Variants in ZC3H12B observed in about 807,000 individuals in gnomAD.
ZC3H12B encodes probable ribonuclease ZC3H12B.
Under a neutral mutation model 43.9 loss-of-function variants are expected in ZC3H12B, and 7 were observed. The ratio of observed to expected loss-of-function variants is 0.16; its 90% CI spans 0.09 to 0.30. The LOEUF (loss-of-function observed/expected upper bound fraction) is 0.30, where lower values mean the gene tolerates loss of function less well. ZC3H12B is among the 10% of genes least tolerant of loss of function. The pLI is 1.00. For missense variants in ZC3H12B, 475 were observed against 670.2 expected (o/e 0.71, Z 3.22); for synonymous variants, 222 against 241.7 (o/e 0.92, Z 0.76).
At chrX:65,465,091 T>A (rs2067800340) in intron 3 of ZC3H12B, among the ~76,000 whole-genome samples, 1 of 111,540 alleles carries the variant, frequency 9.0e-6, no homozygotes, top group Admixed American at 9.6e-5. Flanking sequence ...TCAGATGTAA[T>A]GTTCTGTAGA....
At chrX:65,451,441 T>C (rs1313766954) in intron 3 of ZC3H12B, among the ~76,000 whole-genome samples, 1 of 111,655 alleles carries the variant, frequency 9.0e-6, no homozygotes, top group East Asian at 2.8e-4. Context: ...TAGAGATTTA[T>C]ATTGCTATTT....
At chrX:65,504,904 C>T (rs1171418342) in exon 5 of ZC3H12B, 1 of 112,616 alleles carries the variant, frequency 8.9e-6, no homozygotes, top group Non-Finnish European at 1.9e-5. Context: ...GATACTGCAT[C>T]TTTACTAATA....
At chrX:65,177,010 A>T in the ZC3H12B span, among the ~76,000 whole-genome samples, 1 of 112,271 alleles carries the variant, frequency 8.9e-6, no homozygotes, top group African/African-American at 3.2e-5. Flanking sequence ...CTTGATCAAC[A>T]TTGTTGTGAA....
chrX:65,132,639 C>A, the ZC3H12B span, among the ~76,000 whole-genome samples: 26 of 111,040 alleles, frequency 2.3e-4, no homozygotes, highest in Admixed American at 1.1e-3. Flanking sequence ...GGGAGCTGGA[C>A]AGGTGGGGAT....
chrX:65,041,532 A>G, the ZC3H12B span, among the ~76,000 whole-genome samples: 1 of 112,306 alleles, frequency 8.9e-6, no homozygotes, highest in African/African-American at 3.2e-5. Context: ...AAGGATTTGA[A>G]CGTCACTTAG....
chrX:65,462,689 A>C (rs187950648), intron 3 of ZC3H12B, among the ~76,000 whole-genome samples: 1 of 111,718 alleles, frequency 9.0e-6, no homozygotes, highest in African/African-American at 3.3e-5. Flanking sequence ...TAGTTCAGCC[A>C]CTGTTGAAAG....
chrX:65,234,361 C>T, the ZC3H12B span, among the ~76,000 whole-genome samples: 1 of 111,704 alleles, frequency 9.0e-6, no homozygotes, highest in Non-Finnish European at 1.9e-5. Flanking sequence ...AACATACCAC[C>T]ATATGATAAA....
the ZC3H12B span, among the ~76,000 whole-genome samples, chrX:65,123,030 T>C: frequency 8.9e-6 from 1 of 112,004 alleles, no homozygotes; most frequent in Non-Finnish European, 1.9e-5. Flanking sequence ...TGCTTTCAGT[T>C]TTTGCCCATT....
the ZC3H12B span, among the ~76,000 whole-genome samples, chrX:65,128,569 C>A: frequency 1.8e-5 from 2 of 111,326 alleles, no homozygotes; most frequent in East Asian, 2.8e-4. Context: ...TTGATTAATT[C>A]CTGTTGGTTT....
chrX:65,187,511 AAG>A, the ZC3H12B span, among the ~76,000 whole-genome samples: 2 of 112,007 alleles, frequency 1.8e-5, no homozygotes, highest in Non-Finnish European at 3.8e-5. Context: ...GAGATTACCA[AAG>A]AGAGAAAAAT....
chrX:65,303,148 G>A, the ZC3H12B span, among the ~76,000 whole-genome samples: 1 of 111,287 alleles, frequency 9.0e-6, no homozygotes, highest in African/African-American at 3.3e-5. Flanking sequence ...TAACTGATAA[G>A]CTGGACTTCA....
At chrX:65,036,808 G>C in the ZC3H12B span, among the ~76,000 whole-genome samples, 3 of 109,844 alleles carry the variant, frequency 2.7e-5, no homozygotes, top group Non-Finnish European at 5.7e-5. Context: ...CACATACTTA[G>C]AGAACCCTGC....
chrX:65,433,095 G>T (rs766584233), intron 3 of ZC3H12B, among the ~76,000 whole-genome samples: 7 of 112,861 alleles, frequency 6.2e-5, no homozygotes, highest in Middle Eastern at 4.6e-3. Context: ...CAAGTTATTA[G>T]CTGCATACCA....
At chrX:65,315,328 G>A in the ZC3H12B span, among the ~76,000 whole-genome samples, 3 of 111,829 alleles carry the variant, frequency 2.7e-5, no homozygotes, top group East Asian at 2.8e-4. Context: ...TATGACAACA[G>A]CACAGAAGAA....
the ZC3H12B span, among the ~76,000 whole-genome samples, chrX:65,080,988 A>G: frequency 4.5e-5 from 5 of 110,457 alleles, no homozygotes; most frequent in Admixed American, 2.9e-4. Flanking sequence ...CAGGGGGACA[A>G]AGTTAAGTAA....
At chrX:65,067,204 G>C in the ZC3H12B span, among the ~76,000 whole-genome samples, 1 of 107,064 alleles carries the variant, frequency 9.3e-6, no homozygotes, top group East Asian at 2.9e-4. Context: ...AAAAACTCGT[G>C]CAGCTAACTC....
At chrX:65,388,213 C>T in intron 2 of ZC3H12B, among the ~76,000 whole-genome samples, 1 of 112,097 alleles carries the variant, frequency 8.9e-6, no homozygotes, top group Non-Finnish European at 1.9e-5. Flanking sequence ...GGAACTTCTC[C>T]TGGATAATAT....
At chrX:65,311,078 A>G in the ZC3H12B span, among the ~76,000 whole-genome samples, 3 of 112,245 alleles carry the variant, frequency 2.7e-5, no homozygotes, top group African/African-American at 9.7e-5. Flanking sequence ...TTCAGGACAT[A>G]GGCATGGGCA....
the ZC3H12B span, among the ~76,000 whole-genome samples, chrX:65,338,728 C>T: frequency 0.14 from 15,118 of 111,650 alleles, 2,454 homozygotes; most frequent in African/African-American, 0.46. Flanking sequence ...CCAATAAATA[C>T]GATTCACCAC....
Sources: gnomAD v4.1 joint callset for allele counts (sites outside exome capture counted in the v4.1 genomes callset) on GRCh38, gnomAD v4.1.1 for gene constraint, MANE v1.5 for transcripts, NCBI Gene and HGNC (gene_info 2026-07-23, HGNC 2026-07-21) for gene names.